Variants in KCP observed in about 807,000 individuals in gnomAD.
KCP encodes the protein kielin cysteine rich BMP regulator.
Under a neutral mutation model 212.7 loss-of-function variants are expected in KCP, and 194 were observed. The observed-to-expected ratio is 0.91, with a 90% CI of 0.81 to 1.03. KCP has a LOEUF of 1.03. Ranked by LOEUF, KCP falls within the 50% of genes least tolerant of loss-of-function variation. KCP has a pLI of 0.00. For synonymous variants in KCP, 833 were observed against 865.3 expected (o/e 0.96, Z 0.65); for missense variants, 2,080 against 2,162.5 (o/e 0.96, Z 0.76).
chr7:128,878,517 C>A, intron 38 of KCP, 41 bp downstream of exon 38: 2 of 1,521,392 alleles, frequency 1.3e-6, no homozygotes, highest in South Asian at 2.5e-5. Flanking sequence ...TGCTCAGCTG[C>A]GTCTCCCCTA....
intron 8 of KCP, among the ~76,000 whole-genome samples, chr7:128,896,542 G>A (rs116425825): frequency 0.012 from 1,810 of 152,142 alleles, 45 homozygotes; most frequent in African/African-American, 0.042. Context: ...TGGGACATGC[G>A]GAGCTTTTTC....
chr7:128,898,435 T>C (rs1352655881), intron 8 of KCP, among the ~76,000 whole-genome samples: 1 of 152,236 alleles, frequency 6.6e-6, no homozygotes, highest in East Asian at 1.9e-4. Flanking sequence ...GCCACACCCC[T>C]AGCTGTGCTG....
rs1193984541 is a variant in KCP at position 128,879,758 on chromosome 7, C to A, written c.4004G>T (p.Gly1335Val). Residue 1335 changes from glycine (G) to valine (V), a missense_variant, in exon 36 of 40, where the codon GGA (glycine) becomes GTA (valine). Coordinates refer to ENST00000610776, the MANE Select transcript of KCP (RefSeq NM_001366122.1). ...CTGCAGCAGCCGCACGGCCATGTCT[C>A]CCAGCAGCACCGCCACCTCCTGGGT... ...AWTQEVAVLLGDMAVRLLQDG... is the reference protein window; with the variant it reads ...AWTQEVAVLLVDMAVRLLQDG... 6.4e-6 allele frequency: 10 copies of A among 1,550,398 alleles called. No individual in the cohort carries two copies. Among genetic ancestry groups the A allele is most frequent in the Admixed American group, 3.9e-5 (2 of 50,970 alleles).
At position 128,892,669 on chromosome 7, in the gene KCP, A is replaced by C; in HGVS notation, c.1527+19T>G. ...CCCAGGAGGGGCTCAGCAGGGCAGC[A>C]GCAAGGCTGGGCAGTTACCTGACAG... On this transcript the variant is annotated intron_variant, in intron 15 of 39. Transcript: ENST00000610776. 3 of 1,551,482 alleles carry C rather than the reference A, an allele frequency of 1.9e-6. No homozygotes were observed. Among genetic ancestry groups the C allele is most frequent in the Non-Finnish European group, 2.6e-6 (3 of 1,146,714 alleles).
At chr7:128,895,313 G>A (rs2128948563) in intron 8 of KCP, among the ~76,000 whole-genome samples, 1 of 152,328 alleles carries the variant, frequency 6.6e-6, no homozygotes, top group South Asian at 2.1e-4. Context: ...GTTGTGGGAT[G>A]AAAGGAAACA....
rs1433916562 is a variant in KCP, at chr7:128,880,544, C to T, written c.3617-16G>A. 7.0e-7 allele frequency: 1 copy of T among 1,423,434 alleles called. No individual in the cohort carries two copies. The highest frequency in any genetic ancestry group is 9.3e-7 in the Non-Finnish European group (1 of 1,078,180). The allele number at this position is 1,423,434 out of a possible 1,614,324, so 88.2% of individuals were successfully genotyped here. On this transcript the variant is annotated splice_polypyrimidine_tract_variant and intron_variant, in intron 33 of 39. Transcript: ENST00000610776. ...TGGGTGGGAGCTGAAGGGATAGGAG[C>T]TGGGAGGGTCAGCTGCTCCTCCCAC...
At chr7:128,878,952 C>T in intron 37 of KCP, 1 of 522,260 alleles carries the variant, frequency 1.9e-6, no homozygotes, top group Non-Finnish European at 3.4e-6. Context: ...GCCCACAGCT[C>T]CTGCATGAGG....
At chr7:128,886,421 G>A (rs1419485725) in intron 26 of KCP, 43 bp downstream of exon 26, 2 of 1,489,266 alleles carry the variant, frequency 1.3e-6, no homozygotes, top group Non-Finnish European at 9.1e-7. Context: ...GGGACACAGG[G>A]CCAAGGGGCT....
At chr7:128,888,151 CACAT>C (rs200551199) in intron 22 of KCP, among the ~76,000 whole-genome samples, 31,920 of 148,902 alleles carry the variant, frequency 0.21, 3,586 homozygotes, top group East Asian at 0.5. Context: ...GGGCCACACA[CACAT>C]ACACAGCCAC....
At position 128,906,366 on chromosome 7, in the gene KCP, G is replaced by A; in HGVS notation, c.487-3C>T. On this transcript the variant is annotated splice_polypyrimidine_tract_variant and splice_region_variant and intron_variant, in intron 4 of 39. Coordinates refer to ENST00000610776, the MANE Select transcript of KCP (RefSeq NM_001366122.1). ...TGGTTGCAAGTGATGGTACCTTCCT[G>A]TGGGAGCAGACTGAGGTGGCTGCAC... 1 of 1,545,970 alleles carries A rather than the reference G, an allele frequency of 6.5e-7. No individual in the cohort carries two copies. The highest frequency in any genetic ancestry group is 8.7e-7 in the Non-Finnish European group (1 of 1,143,378).
At chr7:128,887,452 CCCACAA>C (rs1793729113) in intron 22 of KCP, among the ~76,000 whole-genome samples, 152 bp from the exon 23 acceptor site, 1 of 151,052 alleles carries the variant, frequency 6.6e-6, no homozygotes, top group Non-Finnish European at 1.5e-5. Context: ...CACAGCCACA[CCCACAA>C]CCACATACAC....
chr7:128,882,088 G>T, intron 29 of KCP, 72 bp from the exon 30 acceptor site: 1 of 1,172,708 alleles, frequency 8.5e-7, no homozygotes, highest in Non-Finnish European at 1.2e-6. Flanking sequence ...CTGTCCCCAT[G>T]CACTGTGTCC....
chr7:128,885,298 C>T, intron 26 of KCP, 28 bp from the exon 27 acceptor site: 1 of 1,520,780 alleles, frequency 6.6e-7, no homozygotes, highest in Non-Finnish European at 8.9e-7. Flanking sequence ...CAGGGACGAG[C>T]TCGGAGGTTG....
At chr7:128,910,256 C>G (rs1347892420) in intron 1 of KCP, among the ~76,000 whole-genome samples, 1 of 152,244 alleles carries the variant, frequency 6.6e-6, no homozygotes, top group South Asian at 2.1e-4. Context: ...CCGGGGAGGG[C>G]CAGACACAGA....
At position 128,877,301 on chromosome 7, in the gene KCP, G is replaced by A. The variant is rs545015445; in HGVS notation, c.4629C>T (p.Cys1543=). The part of the protein sequence containing the change: ...WRGPTLCVVG[C]PLERGFVFDE... ...CAAACACGAAGCCACGCTCCAGGGGGCAGCCTACCACTGCAGGGGGAGTGG... is the reference window on the plus strand; with the variant it reads ...CAAACACGAAGCCACGCTCCAGGGGACAGCCTACCACTGCAGGGGGAGTGG... The change falls in exon 40 of 40, where the codon TGC becomes TGT. Residue 1543 remains cysteine, a synonymous_variant. Coordinates refer to ENST00000610776, the MANE Select transcript of KCP (RefSeq NM_001366122.1). 3.3e-4 allele frequency: 502 copies of A among 1,519,572 alleles called. 2 individuals carry two copies. Among genetic ancestry groups the A allele is most frequent in the South Asian group, 2.9e-3 (232 of 79,476 alleles). The allele number at this position is 1,519,572 out of a possible 1,614,324, so 94.1% of individuals were successfully genotyped here.
intron 6 of KCP, 93 bp downstream of exon 6, chr7:128,903,963 G>A (rs1032202005): frequency 2.4e-5 from 33 of 1,375,966 alleles, no homozygotes; most frequent in Non-Finnish European, 3.2e-5. Flanking sequence ...CGGGAGGCAT[G>A]TGAGGGGGCT....
intron 5 of KCP, 116 bp from the exon 6 acceptor site, chr7:128,904,254 G>GGGGCAGGGCA: frequency 6.5e-7 from 1 of 1,542,718 alleles, no homozygotes; most frequent in African/African-American, 1.4e-5. Context: ...AAGGGATGGC[G>GGGGCAGGGCA]GGGCAGGGCA....
chr7:128,903,123 C>T (rs1400166923), intron 7 of KCP: 4 of 529,816 alleles, frequency 7.5e-6, no homozygotes, highest in Non-Finnish European at 1.4e-5. Flanking sequence ...TCTGGCCCCT[C>T]GTCACCTCTC....
Position 128,891,635 on chromosome 7 carries a change from GC to G in KCP, c.1795+10del. The G allele has an allele frequency of 6.8e-7, 1 of 1,478,648 alleles. No homozygotes were observed. The highest frequency in any genetic ancestry group is 1.4e-5 in the African/African-American group (1 of 71,292). 91.6% of individuals were successfully genotyped at this position (1,478,648 alleles called of 1,614,324 possible). ...CCATCCCAGAAGGCCGCCCTGACCC[GC>G]CCACCTCACCGCTGCAGTCGTTCGG... On this transcript the variant is annotated intron_variant, in intron 17 of 39. Transcript: ENST00000610776.
Sources: gnomAD v4.1 joint callset for allele counts (sites outside exome capture counted in the v4.1 genomes callset) on GRCh38, gnomAD v4.1.1 for gene constraint, MANE v1.5 for transcripts, NCBI Gene and HGNC (gene_info 2026-07-23, HGNC 2026-07-21) for gene names.